Variants in NTM observed in about 807,000 individuals in gnomAD.
The protein encoded by NTM is IgLON family member 2.
NTM carries 13 observed loss-of-function variants against 42.1 expected under a neutral mutation model. The observed-to-expected ratio is 0.31, with a 90% CI of 0.20 to 0.49. NTM has a LOEUF of 0.49. Among genes scored for constraint, NTM ranks in the 20% least tolerant of loss-of-function variants. The probability of loss-of-function intolerance (pLI) is 0.99; values close to 1 mark genes in which losing one functional copy is unlikely to be tolerated. For missense variants in NTM, 373 were observed against 452.8 expected, an observed-to-expected ratio of 0.82 and a Z score of 1.60; for synonymous variants, 187 against 179.2, an observed-to-expected ratio of 1.04 and a Z score of -0.35.
chr11:131,480,500 T>A (rs771629834), intron 1 of NTM, among the ~76,000 whole-genome samples: 2 of 152,216 alleles, frequency 1.3e-5, no homozygotes, highest in Non-Finnish European at 2.9e-5. Flanking sequence ...GAAACTCACG[T>A]GCAGCTTGTG....
At chr11:131,572,532 C>T (rs761446453) in intron 1 of NTM, among the ~76,000 whole-genome samples, 1 of 152,100 alleles carries the variant, frequency 6.6e-6, no homozygotes, top group South Asian at 2.1e-4. Context: ...TTTGGTGTGA[C>T]AAATTTCAGC....
intron 1 of NTM, among the ~76,000 whole-genome samples, chr11:131,500,575 ATATTTTT>A (rs1248271554): frequency 3.1e-3 from 56 of 18,036 alleles, no homozygotes; most frequent in African/African-American, 0.013. Flanking sequence ...ATATATATAT[ATATTTTT>A]TTTTTTTTTT....
At chr11:132,183,798 G>C (rs747146804) in intron 3 of NTM, among the ~76,000 whole-genome samples, 2 of 151,842 alleles carry the variant, frequency 1.3e-5, no homozygotes, top group African/African-American at 4.8e-5. Context: ...GCCATCACTA[G>C]ATTTTTCAAA....
intron 4 of NTM, among the ~76,000 whole-genome samples, chr11:132,280,674 C>T (rs952724265): frequency 1.7e-4 from 26 of 151,888 alleles, no homozygotes; most frequent in African/African-American, 6.3e-4. Context: ...TTAGTAGAGA[C>T]AGGGTTTCAC....
At chr11:131,386,504 G>C (rs865946759) in intron 1 of NTM, among the ~76,000 whole-genome samples, 6 of 152,228 alleles carry the variant, frequency 3.9e-5, no homozygotes, top group Non-Finnish European at 5.9e-5. Flanking sequence ...ATTAACAGAA[G>C]AGATAATCAG....
intron 1 of NTM, among the ~76,000 whole-genome samples, chr11:131,803,565 C>T (rs991279030): frequency 6.6e-6 from 1 of 152,202 alleles, no homozygotes; most frequent in African/African-American, 2.4e-5. Flanking sequence ...CCACGTTGGC[C>T]TCCCAAAGTG....
chr11:131,467,875 C>T (rs1383085138), intron 1 of NTM, among the ~76,000 whole-genome samples: 1 of 152,168 alleles, frequency 6.6e-6, no homozygotes, highest in Non-Finnish European at 1.5e-5. Flanking sequence ...CCCCCAGCCA[C>T]TTAAATCTTG....
rs75971415 is a variant in NTM at position 132,061,539 on chromosome 11, A to G, written c.168-84743A>G. ...AGTTAGATTGAATCAAATTGAATTG[A>G]ACAGAAATAAATTGAATTGTATTGA... On this transcript the variant is annotated intron_variant, in intron 2 of 8. Transcript: ENST00000683400. Among the ~76,000 whole-genome samples the G allele has an allele frequency of 5.5e-3, 833 of 152,346 alleles. 7 individuals are homozygous for G. The highest frequency in any genetic ancestry group is 0.017 in the African/African-American group (721 of 41,580).
chr11:132,202,914 A>C (rs1264996524), intron 3 of NTM, among the ~76,000 whole-genome samples: 1 of 152,182 alleles, frequency 6.6e-6, no homozygotes. Flanking sequence ...TTTACTATGG[A>C]GGGCGAGAGA....
At chr11:132,230,281 A>C (rs878517) in intron 4 of NTM, among the ~76,000 whole-genome samples, 72,847 of 151,852 alleles carry the variant, frequency 0.48, 17,815 homozygotes, top group Middle Eastern at 0.59. Flanking sequence ...AAAGTATCTG[A>C]CAGAACTTTA....
chr11:131,378,915 G>C (rs1942301238), intron 1 of NTM, among the ~76,000 whole-genome samples: 1 of 152,204 alleles, frequency 6.6e-6, no homozygotes, highest in Admixed American at 6.5e-5. Context: ...CAATTTTGCA[G>C]CTTCATATGT....
chr11:132,070,790 C>T (rs1285315047), intron 2 of NTM, among the ~76,000 whole-genome samples: 7 of 143,662 alleles, frequency 4.9e-5, no homozygotes, highest in African/African-American at 1.3e-4. Context: ...CAGGTTAACA[C>T]GTCACACTGA....
At chr11:131,660,701 G>A (rs1210579243) in intron 1 of NTM, 1 of 414,016 alleles carries the variant, frequency 2.4e-6, no homozygotes, top group Non-Finnish European at 4.6e-6. Flanking sequence ...GGGCTAGGGT[G>A]GTGAAGAGGG....
Position 132,146,262 on chromosome 11 carries a change from C to T in NTM, c.168-20C>T, listed in dbSNP as rs749199928. ...GTCGTCTCTCAGTCCCTTGACGTAC[C>T]TGTCTGGTCTTCCCTTCAGGTGCAC... On this transcript the variant is annotated intron_variant, in intron 2 of 8. Transcript: ENST00000683400. The surrounding 1 kb of genome is among the most constrained non-coding windows in gnomAD (Gnocchi z 4.5). The T allele has an allele frequency of 2.5e-6, 4 of 1,613,728 alleles. No individual in the cohort carries two copies. In the East Asian group the frequency reaches 8.9e-5, roughly 36 times the overall value.
At chr11:131,525,082 C>T (rs1407931184) in intron 1 of NTM, among the ~76,000 whole-genome samples, 1 of 151,722 alleles carries the variant, frequency 6.6e-6, no homozygotes, top group Non-Finnish European at 1.5e-5. Context: ...GAGTAATTCT[C>T]AGGGGGCGGG....
chr11:131,789,433 G>GA lies in NTM; in HGVS notation c.83-122129dup, dbSNP rs2089892085. Among the ~76,000 whole-genome samples, 4 of 7,234 alleles carry GA rather than the reference G, an allele frequency of 5.5e-4. 1 individual carries two copies. Among genetic ancestry groups the GA allele is most frequent in the Admixed American group, 2.0e-3 (1 of 496 alleles). The allele number at this position is 7,234 out of a possible 152,430, so 4.7% of individuals were successfully genotyped here. A position where few individuals can be genotyped will look rare whatever the true frequency, so the allele number is the denominator to read the frequency against. ...GTTAAAAGAAAAAAAGAAGAAGGAA[G>GA]AAGAAGAAGAAGAAGAAGAAGAAGA... is the stretch of plus-strand genomic sequence containing the variant. On this transcript the variant is annotated intron_variant, in intron 1 of 8. Transcript: ENST00000683400.
chr11:131,649,427 C>G (rs7130785), intron 1 of NTM, among the ~76,000 whole-genome samples: 4,074 of 152,246 alleles, frequency 0.027, 186 homozygotes, highest in African/African-American at 0.09. Context: ...GTTCCCAAGG[C>G]CTTTCCATCA....
chr11:131,737,444 G>T (rs1267757295), intron 1 of NTM, among the ~76,000 whole-genome samples: 3 of 152,204 alleles, frequency 2.0e-5, no homozygotes, highest in East Asian at 3.9e-4. Flanking sequence ...CAGTAGAAGA[G>T]AAACCATTCA....
intron 1 of NTM, among the ~76,000 whole-genome samples, chr11:131,626,612 C>A (rs1182565130): frequency 6.6e-6 from 1 of 152,142 alleles, no homozygotes; most frequent in African/African-American, 2.4e-5. Context: ...CAAACCAGGA[C>A]GTGATGGGCA....
Sources: allele counts gnomAD v4.1 joint callset (sites outside exome capture counted in the v4.1 genomes callset), GRCh38; gene constraint gnomAD v4.1.1; non-coding constraint Gnocchi (gnomAD v3.1); transcripts MANE v1.5; gene names NCBI Gene and HGNC (gene_info 2026-07-23, HGNC 2026-07-21).